The following MYOM1 variants were observed in gnomAD, a reference collection of about 807,000 sequenced individuals.
MYOM1 encodes the protein myomesin-1.
Under a neutral mutation model 205.3 loss-of-function variants are expected in MYOM1, and 164 were observed. That is an observed-to-expected ratio of 0.80 (90% CI 0.70 to 0.91). The LOEUF (loss-of-function observed/expected upper bound fraction) is 0.91. Among genes scored for constraint, MYOM1 ranks in the 40% least tolerant of loss-of-function variants. The pLI is 0.00. For missense variants in MYOM1, 2,011 were observed against 2,127.3 expected (o/e 0.95, Z 1.08); for synonymous variants, 772 against 789.4 (o/e 0.98, Z 0.37).
intron 2 of MYOM1, among the ~76,000 whole-genome samples, chr18:3,202,448 A>G (rs931687877): frequency 4.6e-5 from 7 of 152,164 alleles, no homozygotes; most frequent in African/African-American, 1.7e-4. Flanking sequence ...CAAGAGGCAC[A>G]CCCTAAATTT....
At position 3,115,977 on chromosome 18, in the gene MYOM1, TAG is replaced by T. The variant is rs553937041; in HGVS notation, c.3303+352_3303+353del. On this transcript the variant is annotated intron_variant, in intron 21 of 37. Coordinates refer to ENST00000356443, the MANE Select transcript of MYOM1 (RefSeq NM_003803.4). Reference sequence around the variant, plus strand: ...AGCACCCTCAAATCAACCATCCCCCTAGAAAAAAGAGGAATGAAAAAATCACC... The same window carrying T: ...AGCACCCTCAAATCAACCATCCCCCTAAAAAAGAGGAATGAAAAAATCACC... 2.3e-4 allele frequency among the ~76,000 whole-genome samples: 35 copies of T among 151,872 alleles called. 1 individual carries two copies. The South Asian group carries it at 5.2e-3, about 23-fold the overall frequency.
In MYOM1 at chr18:3,188,772, T is replaced by G; in HGVS notation, c.747A>C (p.Ala249=). The change falls in exon 4 of 38, where the codon GCA becomes GCC. Residue 249 remains alanine (A), a synonymous_variant. Coordinates refer to ENST00000356443, the MANE Select transcript of MYOM1 (RefSeq NM_003803.4). ...CTGTTTTCCTCAGGGACAGGCGTTC[T>G]GCCTTTTCTCGAATCACAACTTTCC... ...KSRKVVIREK[A]ERLSLRKTLE... 2 of 1,598,530 alleles carry G rather than the reference T, an allele frequency of 1.3e-6. No individual in the cohort carries two copies. Among genetic ancestry groups the G allele is most frequent in the Non-Finnish European group, 1.7e-6 (2 of 1,170,350 alleles).
intron 26 of MYOM1, 43 bp from the exon 27 acceptor site, chr18:3,090,845 A>G: frequency 6.2e-7 from 1 of 1,610,120 alleles, no homozygotes; most frequent in Non-Finnish European, 8.5e-7. Flanking sequence ...ACTGAGGCAT[A>G]TATTTTACTT....
chr18:3,119,814 G>A lies in MYOM1; in HGVS notation c.3118+55C>T, dbSNP rs2079658311. ...CTTTGAATTTCATTCCAGGTTGTAG[G>A]TTCTCTTGGAGGAAATTCCGAGGTG... On this transcript the variant is annotated intron_variant, in intron 20 of 37. Coordinates refer to ENST00000356443, the MANE Select transcript of MYOM1 (RefSeq NM_003803.4). 9 of 1,556,454 alleles carry A rather than the reference G, an allele frequency of 5.8e-6. No homozygotes were observed. In the Middle Eastern group the frequency reaches 1.4e-3, roughly 242 times the overall value.
intron 25 of MYOM1, 73 bp from the exon 26 acceptor site, chr18:3,094,379 GAA>G (rs36091956): frequency 0.044 from 34,520 of 784,668 alleles, 47 homozygotes; most frequent in African/African-American, 0.056. Flanking sequence ...TCCATCAAGT[GAA>G]AAAAAAAAAA....
At position 3,116,374 on chromosome 18, in the gene MYOM1, C is replaced by T. The variant is rs374670754; in HGVS notation, c.3260G>A (p.Trp1087Ter). 51 of 1,613,002 alleles carry T rather than the reference C, an allele frequency of 3.2e-5. No homozygotes were observed. Among genetic ancestry groups the T allele is most frequent in the Non-Finnish European group, 4.1e-5 (48 of 1,179,798 alleles). Residue 1087 changes from tryptophan to a stop codon, truncating the protein, a stop_gained, in exon 21 of 38, where the codon TGG becomes TAG. Coordinates refer to ENST00000356443, the MANE Select transcript of MYOM1 (RefSeq NM_003803.4). LOFTEE classifies it high-confidence loss of function. ...AATAGCCGCCTCATTGAGCCCTCGC[C>T]ACTGGTCTTCTTTGGCCTTGGCCTC... ...LKEAKAKEDQWRGLNEAAIKN... is the reference protein window; with the variant it reads ...LKEAKAKEDQ
intron 26 of MYOM1, 27 bp downstream of exon 26, chr18:3,094,142 TA>T: frequency 6.2e-6 from 10 of 1,609,528 alleles, no homozygotes; most frequent in Non-Finnish European, 8.5e-6. Flanking sequence ...AATGATACAT[TA>T]AAAAGTCTAA....
chr18:3,215,261 A>G lies in MYOM1; in HGVS notation c.-28-10T>C, dbSNP rs1598778982. 6.4e-7 allele frequency: 1 copy of G among 1,556,868 alleles called. No individual in the cohort carries two copies. Among genetic ancestry groups the G allele is most frequent in the Non-Finnish European group, 8.7e-7 (1 of 1,147,622 alleles). ...GAAGGAACCGGGCCACCTGAAGGAA[A>G]ACAACACTTTTTGAGTGACTTATTA... On this transcript the variant is annotated splice_polypyrimidine_tract_variant and intron_variant, in intron 1 of 37. Transcript: ENST00000356443.
In MYOM1 at chr18:3,083,910, A is replaced by T; in HGVS notation, c.4379-16T>A. 6.3e-7 allele frequency: 1 copy of T among 1,575,202 alleles called. No individual in the cohort carries two copies. The highest frequency in any genetic ancestry group is 8.6e-7 in the Non-Finnish European group (1 of 1,158,590). On this transcript the variant is annotated splice_polypyrimidine_tract_variant and intron_variant, in intron 32 of 37. Coordinates refer to ENST00000356443, the MANE Select transcript of MYOM1 (RefSeq NM_003803.4). ...GCAGACAAAGCTGAAAGAAGAAAAT[A>T]GCATATTTCATACATCTGCATGCCC...
At chr18:3,136,381 T>G (rs1033052527) in intron 14 of MYOM1, among the ~76,000 whole-genome samples, 1 of 152,150 alleles carries the variant, frequency 6.6e-6, no homozygotes, top group South Asian at 2.1e-4. Flanking sequence ...TGAGGATCGT[T>G]TGGGGTCAGG....
intron 2 of MYOM1, among the ~76,000 whole-genome samples, chr18:3,208,129 T>A (rs1056840950): frequency 1.3e-5 from 2 of 152,210 alleles, no homozygotes; most frequent in Non-Finnish European, 2.9e-5. Flanking sequence ...TCTCCCTGTG[T>A]TTACAGCTGA....
chr18:3,137,796 C>T (rs1448128074), intron 14 of MYOM1, among the ~76,000 whole-genome samples: 1 of 152,016 alleles, frequency 6.6e-6, no homozygotes, highest in African/African-American at 2.4e-5. Context: ...TTTCAAAATA[C>T]CTAAAAGATA....
At chr18:3,244,941 A>C in the MYOM1 span, among the ~76,000 whole-genome samples, 1 of 151,506 alleles carries the variant, frequency 6.6e-6, no homozygotes, top group African/African-American at 2.4e-5. Context: ...AAATACAAAA[A>C]AAAAAATTTA....
intron 21 of MYOM1, among the ~76,000 whole-genome samples, chr18:3,114,513 G>A (rs11081012): frequency 0.87 from 128,296 of 146,988 alleles, 56,523 homozygotes; most frequent in East Asian, 0.97. Flanking sequence ...GAGTAGCTGG[G>A]AATACAGGCA....
At chr18:3,126,246 C>T (rs2079779272) in intron 19 of MYOM1, among the ~76,000 whole-genome samples, 1 of 112,548 alleles carries the variant, frequency 8.9e-6, no homozygotes, top group East Asian at 2.5e-4. Context: ...GCCTGGGGGA[C>T]AGAGCAAGAC....
intron 26 of MYOM1, among the ~76,000 whole-genome samples, chr18:3,092,147 T>C (rs941020214): frequency 1.3e-5 from 2 of 152,252 alleles, no homozygotes; most frequent in Non-Finnish European, 1.5e-5. Context: ...TAGTAGTCAA[T>C]TAATAAATAT....
intron 20 of MYOM1, 74 bp downstream of exon 20, chr18:3,119,795 A>C: frequency 1.3e-6 from 2 of 1,532,260 alleles, no homozygotes; most frequent in Admixed American, 4.1e-5. Context: ...AGTACTTTGA[A>C]TTTCATTCCA....
At chr18:3,114,393 TTC>T (rs1434325225) in intron 21 of MYOM1, among the ~76,000 whole-genome samples, 14 of 108,046 alleles carry the variant, frequency 1.3e-4, no homozygotes, top group East Asian at 5.9e-4. Flanking sequence ...TTTTTTTTTT[TTC>T]GAGACAGAGT....
rs1230638288 is a variant in MYOM1, at chr18:3,124,183, C to G, written c.2991+2518G>C. Among the ~76,000 whole-genome samples the G allele has an allele frequency of 1.3e-5, 2 of 151,322 alleles. 1 individual carries two copies. The highest frequency in any genetic ancestry group is 4.9e-5 in the African/African-American group (2 of 40,844). On this transcript the variant is annotated intron_variant, in intron 19 of 37. Transcript: ENST00000356443. ...TCAGTGTGGTAGTCACCCACTGTTA[C>G]ACAAACAGACCAGTGGAACAGCATG...
Sources: allele counts gnomAD v4.1 joint callset (sites outside exome capture counted in the v4.1 genomes callset), GRCh38; gene constraint gnomAD v4.1.1; transcripts MANE v1.5; gene names NCBI Gene and HGNC (gene_info 2026-07-23, HGNC 2026-07-21).